ZNF592: variants seen among roughly 807,000 people sequenced by gnomAD.
ZNF592 encodes spinocerebellar ataxia, autosomal recessive 5.
Under a neutral mutation model 80.3 loss-of-function variants are expected in ZNF592, and 11 were observed. The ratio of observed to expected loss-of-function variants is 0.14; its 90% CI spans 0.09 to 0.23. ZNF592 has a LOEUF of 0.23. Ranked by LOEUF, ZNF592 falls within the 10% of genes least tolerant of loss-of-function variation. The pLI is 1.00. For synonymous variants in ZNF592, 646 were observed against 640.3 expected (o/e 1.01, Z -0.13); for missense variants, 1,420 against 1,633.9 (o/e 0.87, Z 2.26).
intron 3 of ZNF592, among the ~76,000 whole-genome samples, chr15:84,779,497 T>TTTA (rs1596120745): frequency 6.6e-6 from 1 of 151,982 alleles, no homozygotes. Context: ...ATTTAAAACA[T>TTTA]TTATTATTAT....
At chr15:84,764,651 C>A in intron 1 of ZNF592, 56 bp from the exon 2 acceptor site, 1 of 398,218 alleles carries the variant, frequency 2.5e-6, no homozygotes, top group South Asian at 1.3e-4. Flanking sequence ...TTTCCTTACT[C>A]TAACACTTAC....
In ZNF592 at chr15:84,783,957, G is replaced by A. The variant is rs1281751344; in HGVS notation, c.1282G>A (p.Val428Met). 6.2e-7 allele frequency: 1 copy of A among 1,613,784 alleles called. No individual in the cohort carries two copies. The highest frequency in any genetic ancestry group is 8.5e-7 in the Non-Finnish European group (1 of 1,179,648). The change falls in exon 4 of 11, where the codon GTG becomes ATG. Residue 428 changes from valine to methionine, a missense_variant. Physicochemically the swap from Val to Met is conservative, Grantham distance 21. Around this residue, in one of 7 missense-constraint regions of ZNF592, gnomAD observed 524 missense variants for 628.3 expected, o/e 0.83. Coordinates refer to ENST00000560079, the MANE Select transcript of ZNF592 (RefSeq NM_014630.3). This position sits in a 1 kb window ranked among gnomAD's most constrained non-coding sequence, Gnocchi z 5.0. ...CGAGATGCCAGGGGATGAGGTGCCT[G>A]TGGAAGAGCACTTTCCTGAGGCAGG... ...PSEMPGDEVP[V>M]EEHFPEAGTN...
intron 2 of ZNF592, among the ~76,000 whole-genome samples, chr15:84,767,388 C>T (rs1899561164): frequency 6.6e-6 from 1 of 152,080 alleles, no homozygotes; most frequent in Non-Finnish European, 1.5e-5. Context: ...AGGTCTGAGG[C>T]TGCTGGCTTC....
intron 2 of ZNF592, among the ~76,000 whole-genome samples, chr15:84,776,517 A>T (rs769561301): frequency 6.6e-6 from 1 of 152,012 alleles, no homozygotes; most frequent in Non-Finnish European, 1.5e-5. Flanking sequence ...GCACTTTGGG[A>T]GGCCAAGGTG....
At chr15:84,759,534 T>G (rs1043253764) in intron 1 of ZNF592, among the ~76,000 whole-genome samples, 1 of 152,224 alleles carries the variant, frequency 6.6e-6, no homozygotes, top group African/African-American at 2.4e-5. Context: ...TCATTATAGC[T>G]CCATTCCTCT....
Position 84,784,511 on chromosome 15 carries a change from C to T in ZNF592, c.1836C>T (p.His612=), listed in dbSNP as rs1289410222. Residue 612 remains histidine, a synonymous_variant, in exon 4 of 11, where the codon CAC becomes CAT. Coordinates refer to ENST00000560079, the MANE Select transcript of ZNF592 (RefSeq NM_014630.3). The surrounding 1 kb of genome is among the most constrained non-coding windows in gnomAD (Gnocchi z 5.8). The part of the protein sequence containing the change: ...LSQHYGRRSV[H]IEVLCTLCSK... ...AGCACTATGGCCGGCGGAGCGTCCA[C>T]ATTGAGGTACTGTGCACACTGTGCT... 6.2e-6 allele frequency: 10 copies of T among 1,614,188 alleles called. No individual in the cohort carries two copies. The highest frequency in any genetic ancestry group is 7.6e-6 in the Non-Finnish European group (9 of 1,180,042).
At position 84,784,748 on chromosome 15, in the gene ZNF592, T is replaced by C; in HGVS notation, c.2073T>C (p.Ser691=). The part of the protein sequence containing the change: ...PKHGLTSGSA[S]PPPPALPLYP... ...ATGGCCTCACTTCGGGCAGTGCCAG[T>C]CCCCCTCCTCCAGCCTTGCCACTCT... The change falls in exon 4 of 11, where the codon AGT becomes AGC. Residue 691 remains serine, a synonymous_variant. Coordinates refer to ENST00000560079, the MANE Select transcript of ZNF592 (RefSeq NM_014630.3). This position sits in a 1 kb window ranked among gnomAD's most constrained non-coding sequence, Gnocchi z 5.8. The C allele has an allele frequency of 6.2e-7, 1 of 1,613,984 alleles. No homozygotes were observed. The highest frequency in any genetic ancestry group is 8.5e-7 in the Non-Finnish European group (1 of 1,180,012).
intron 1 of ZNF592, among the ~76,000 whole-genome samples, chr15:84,750,988 C>T (rs932096492): frequency 2.6e-5 from 4 of 152,176 alleles, no homozygotes; most frequent in Non-Finnish European, 4.4e-5. Flanking sequence ...TAAAAGGTGT[C>T]TAGCCCCTGT....
intron 10 of ZNF592, among the ~76,000 whole-genome samples, chr15:84,801,051 T>C (rs1466093236): frequency 6.6e-6 from 1 of 152,230 alleles, no homozygotes; most frequent in African/African-American, 2.4e-5. Flanking sequence ...CTGGGTGCGG[T>C]GGCTCATGCC....
At position 84,801,867 on chromosome 15, in the gene ZNF592, A is replaced by G. The variant is rs1192271347; in HGVS notation, c.3278A>G (p.Asn1093Ser). 3.7e-6 allele frequency: 6 copies of G among 1,613,892 alleles called. No homozygotes were observed. The South Asian group carries it at 6.6e-5, about 18-fold the overall frequency. ...KPPGGHSPQVNHLKRPVSGVG... is the reference protein window; with the variant it reads ...KPPGGHSPQVSHLKRPVSGVG... ...TCATGCTGTCTCTCCTTTTAGGTGAACCATCTGAAAAGACCAGTCAGTGGA... is the reference window on the plus strand; with the variant it reads ...TCATGCTGTCTCTCCTTTTAGGTGAGCCATCTGAAAAGACCAGTCAGTGGA... The change falls in exon 11 of 11, where the codon AAC becomes AGC. Residue 1093 changes from asparagine to serine, a missense_variant. Asn to Ser is a conservative substitution (Grantham distance 46). Coordinates refer to ENST00000560079, the MANE Select transcript of ZNF592 (RefSeq NM_014630.3).
intron 10 of ZNF592, 66 bp from the exon 11 acceptor site, chr15:84,801,797 G>A: frequency 6.2e-7 from 1 of 1,613,150 alleles, no homozygotes; most frequent in Non-Finnish European, 8.5e-7. Context: ...TTGGGCTCAT[G>A]GTTATGTCTA....
intron 2 of ZNF592, among the ~76,000 whole-genome samples, chr15:84,767,497 G>A (rs2141970741): frequency 6.6e-6 from 1 of 152,274 alleles, no homozygotes. Flanking sequence ...GAGGAGTCCT[G>A]TCCCCCTTTT....
At chr15:84,758,659 C>G (rs1477343248) in intron 1 of ZNF592, among the ~76,000 whole-genome samples, 1 of 151,894 alleles carries the variant, frequency 6.6e-6, no homozygotes, top group Non-Finnish European at 1.5e-5. Context: ...CACCTGTAAT[C>G]CCAGCACTTT....
chr15:84,783,000 A>G lies in ZNF592; in HGVS notation c.325A>G (p.Lys109Glu). 1 of 1,614,096 alleles carries G rather than the reference A, an allele frequency of 6.2e-7. No homozygotes were observed. The highest frequency in any genetic ancestry group is 8.5e-7 in the Non-Finnish European group (1 of 1,179,996). ...DLPPDPHNCG[K>E]FDSTFMNGDS... ...GCCTCCAGATCCCCACAACTGTGGG[A>G]AATTTGATTCTACTTTTATGAATGG... Residue 109 changes from lysine (K) to glutamate (E), a missense_variant, in exon 4 of 11, where the codon AAA becomes GAA. By Grantham distance (56) the Lys-to-Glu change is moderately conservative. Coordinates refer to ENST00000560079, the MANE Select transcript of ZNF592 (RefSeq NM_014630.3).
intron 3 of ZNF592, among the ~76,000 whole-genome samples, chr15:84,778,869 T>G (rs189612064): frequency 4.6e-5 from 7 of 152,284 alleles, no homozygotes. Flanking sequence ...CATTTGGAGT[T>G]TGATTGCAGT....
At chr15:84,801,669 G>A (rs1963098853) in intron 10 of ZNF592, among the ~76,000 whole-genome samples, 194 bp from the exon 11 acceptor site, 1 of 152,162 alleles carries the variant, frequency 6.6e-6, no homozygotes, top group Non-Finnish European at 1.5e-5. Flanking sequence ...CCGTGCCTTT[G>A]GAGTATTGTG....
intron 4 of ZNF592, among the ~76,000 whole-genome samples, chr15:84,786,487 G>A (rs1158858876): frequency 6.6e-6 from 1 of 152,154 alleles, no homozygotes; most frequent in Admixed American, 6.5e-5. Context: ...ACATTGTTAT[G>A]CATGAGGCTG....
In ZNF592 at chr15:84,784,097, C is replaced by G. The variant is rs767358785; in HGVS notation, c.1422C>G (p.Ala474=). Residue 474 remains alanine (A), a synonymous_variant, in exon 4 of 11, where the codon GCC becomes GCG. Coordinates refer to ENST00000560079, the MANE Select transcript of ZNF592 (RefSeq NM_014630.3). The surrounding 1 kb of genome is among the most constrained non-coding windows in gnomAD (Gnocchi z 5.8). ...SSGPRVPKGA[A]PGSQTGKKQQ... ...GGCCCCGGGTCCCAAAGGGGGCTGC[C>G]CCAGGCTCACAGACAGGCAAGAAGC... 6.2e-7 allele frequency: 1 copy of G among 1,614,164 alleles called. No individual in the cohort carries two copies. Among genetic ancestry groups the G allele is most frequent in the Non-Finnish European group, 8.5e-7 (1 of 1,180,034 alleles).
In ZNF592 at chr15:84,806,104, AGT is replaced by A. The variant is rs1963227995; in HGVS notation, c.*3713_*3714del. On this transcript the variant is annotated 3_prime_UTR_variant, in exon 11 of 11. Coordinates refer to ENST00000560079, the MANE Select transcript of ZNF592 (RefSeq NM_014630.3). ...GATTCAAAAAGTATATGGATGAATG[AGT>A]GAATGCTGCATGAATGAATGAATCT... is the stretch of plus-strand genomic sequence containing the variant. The A allele has an allele frequency of 1.3e-5, 2 of 152,634 alleles. No individual in the cohort carries two copies. Among genetic ancestry groups the A allele is most frequent in the South Asian group, 4.1e-4 (2 of 4,830 alleles). The allele number at this position is 152,634 out of a possible 1,614,324, so 9.5% of individuals were successfully genotyped here.
Sources: allele counts gnomAD v4.1 joint callset (sites outside exome capture counted in the v4.1 genomes callset), GRCh38; gene constraint gnomAD v4.1.1; regional missense constraint gnomAD v4.1.1; non-coding constraint Gnocchi (gnomAD v3.1); transcripts MANE v1.5; gene names NCBI Gene and HGNC (gene_info 2026-07-23, HGNC 2026-07-21).